Variants in OPCML observed in about 807,000 individuals in gnomAD.
OPCML encodes the protein opioid-binding protein/cell adhesion molecule.
OPCML carries 13 observed loss-of-function variants against 37.8 expected under a neutral mutation model. The observed-to-expected ratio is 0.34, with a 90% CI of 0.22 to 0.55. The LOEUF is 0.55. OPCML is among the 20% of genes least tolerant of loss of function. OPCML has a pLI of 0.91. For missense variants in OPCML, 341 were observed against 435.6 expected (o/e 0.78, Z 1.93); for synonymous variants, 176 against 168.8 (o/e 1.04, Z -0.33).
intron 2 of OPCML, among the ~76,000 whole-genome samples, chr11:132,934,532 C>T (rs1351540967): frequency 6.6e-6 from 1 of 152,156 alleles, no homozygotes; most frequent in Non-Finnish European, 1.5e-5. Flanking sequence ...CCCAGAAACT[C>T]AAAAGTAGGG....
intron 3 of OPCML, among the ~76,000 whole-genome samples, chr11:132,608,013 A>G (rs1372119690): frequency 1.3e-5 from 2 of 152,214 alleles, no homozygotes; most frequent in African/African-American, 4.8e-5. Flanking sequence ...AATAATTTGA[A>G]TGTTTCTCGC....
At chr11:132,921,068 TC>T (rs1944780661) in intron 2 of OPCML, among the ~76,000 whole-genome samples, 1 of 152,346 alleles carries the variant, frequency 6.6e-6, no homozygotes, top group Admixed American at 6.5e-5. Flanking sequence ...ATCACTTTTT[TC>T]TTTTTCCATC....
At chr11:133,415,065 G>C (rs950393243) in intron 1 of OPCML, among the ~76,000 whole-genome samples, 1 of 152,138 alleles carries the variant, frequency 6.6e-6, no homozygotes, top group Non-Finnish European at 1.5e-5. Flanking sequence ...GAGTTATTTA[G>C]AGCAGTACTT....
chr11:133,247,769 A>T (rs1419188786), intron 1 of OPCML, among the ~76,000 whole-genome samples: 1 of 151,788 alleles, frequency 6.6e-6, no homozygotes, highest in East Asian at 1.9e-4. Flanking sequence ...TGCCCAACTA[A>T]TTTTTGTATT....
chr11:132,651,178 G>T (rs1435713166), intron 3 of OPCML, among the ~76,000 whole-genome samples: 1 of 152,138 alleles, frequency 6.6e-6, no homozygotes, highest in Non-Finnish European at 1.5e-5. Flanking sequence ...ACAAGTACCT[G>T]TCTACGTATT....
rs1004863285 is a variant in OPCML, at chr11:132,943,216, G to A, written c.62-206C>T. ...AAGGGGCAGAGTTCGCCAGGAGCAG[G>A]GGGAAGGAGAAGAGAGGAGTCCGGG... is the stretch of plus-strand genomic sequence containing the variant. On this transcript the variant is annotated intron_variant, in intron 1 of 7. Transcript: ENST00000524381. The surrounding 1 kb of genome is among the most constrained non-coding windows in gnomAD (Gnocchi z 4.3). The A allele has an allele frequency of 4.7e-5, 68 of 1,455,584 alleles. No individual in the cohort carries two copies. Among genetic ancestry groups the A allele is most frequent in the Non-Finnish European group, 6.1e-5 (65 of 1,069,812 alleles). The allele number at this position is 1,455,584 out of a possible 1,614,324, so 90.2% of individuals were successfully genotyped here. A position where few individuals can be genotyped will look rare whatever the true frequency, so the allele number is the denominator to read the frequency against.
intron 1 of OPCML, among the ~76,000 whole-genome samples, chr11:133,401,533 G>T (rs1203204631): frequency 6.6e-6 from 1 of 152,010 alleles, no homozygotes; most frequent in Non-Finnish European, 1.5e-5. Context: ...GCAGAGCTGG[G>T]TCTCATACCA....
At chr11:132,777,348 A>G (rs1346701379) in intron 2 of OPCML, among the ~76,000 whole-genome samples, 1 of 152,180 alleles carries the variant, frequency 6.6e-6, no homozygotes, top group East Asian at 1.9e-4. Flanking sequence ...GCACAAAGGA[A>G]GCTTCATGAA....
chr11:132,509,177 G>C (rs2096263530), intron 4 of OPCML, among the ~76,000 whole-genome samples: 1 of 152,144 alleles, frequency 6.6e-6, no homozygotes, highest in African/African-American at 2.4e-5. Context: ...CTACAGATTT[G>C]TGGAACTTTG....
At chr11:133,502,909 T>C (rs1378357436) in intron 1 of OPCML, among the ~76,000 whole-genome samples, 1 of 152,180 alleles carries the variant, frequency 6.6e-6, no homozygotes, top group Non-Finnish European at 1.5e-5. Context: ...TTCCTGGGAC[T>C]GAGAGCTCTC....
At chr11:132,731,315 T>C (rs932395996) in intron 2 of OPCML, among the ~76,000 whole-genome samples, 16 of 152,292 alleles carry the variant, frequency 1.1e-4, no homozygotes, top group Admixed American at 1.0e-3. Flanking sequence ...CCAAACCAAA[T>C]AGACCCTCCA....
chr11:133,193,603 C>A (rs1005394542), intron 1 of OPCML, among the ~76,000 whole-genome samples: 3 of 152,142 alleles, frequency 2.0e-5, no homozygotes, highest in Non-Finnish European at 2.9e-5. Context: ...ATGATAAACA[C>A]CTGCTCCTTT....
At chr11:133,123,062 A>G (rs1949445966) in intron 1 of OPCML, among the ~76,000 whole-genome samples, 2 of 152,218 alleles carry the variant, frequency 1.3e-5, no homozygotes, top group Admixed American at 6.5e-5. Context: ...AGTGACTTGG[A>G]AAAAATATTT....
At chr11:133,322,725 T>C (rs1943361072) in intron 1 of OPCML, among the ~76,000 whole-genome samples, 1 of 152,170 alleles carries the variant, frequency 6.6e-6, no homozygotes, top group African/African-American at 2.4e-5. Flanking sequence ...TTACACATTT[T>C]CGCATCCAAT....
chr11:133,088,922 A>G (rs189804149), intron 1 of OPCML, among the ~76,000 whole-genome samples: 3 of 152,352 alleles, frequency 2.0e-5, no homozygotes, highest in African/African-American at 7.2e-5. Flanking sequence ...AAAGCAAGTG[A>G]TATCAATCAT....
At chr11:133,483,337 G>GATAA (rs1308917890) in intron 1 of OPCML, among the ~76,000 whole-genome samples, 3 of 122,004 alleles carry the variant, frequency 2.5e-5, no homozygotes, top group Non-Finnish European at 5.1e-5. Context: ...TAGATAGATA[G>GATAA]ATAATAGATA....
intron 1 of OPCML, among the ~76,000 whole-genome samples, chr11:133,410,815 T>A (rs575614863): frequency 6.6e-5 from 10 of 152,274 alleles, no homozygotes; most frequent in Admixed American, 1.3e-4. Context: ...TGTTGTACAT[T>A]CTGATTCTTC....
intron 1 of OPCML, among the ~76,000 whole-genome samples, chr11:133,447,633 G>C (rs1197145571): frequency 1.5e-4 from 23 of 152,132 alleles, no homozygotes; most frequent in Non-Finnish European, 1.5e-5. Context: ...TTAACTTTCT[G>C]TTCCTGCACT....
At chr11:132,542,333 C>G in intron 3 of OPCML, among the ~76,000 whole-genome samples, 1 of 152,302 alleles carries the variant, frequency 6.6e-6, no homozygotes, top group African/African-American at 2.4e-5. Flanking sequence ...CACTGTCCAG[C>G]AGATCTTTCT....
Sources: allele counts gnomAD v4.1 joint callset (sites outside exome capture counted in the v4.1 genomes callset), GRCh38; gene constraint gnomAD v4.1.1; non-coding constraint Gnocchi (gnomAD v3.1); transcripts MANE v1.5; gene names NCBI Gene and HGNC (gene_info 2026-07-23, HGNC 2026-07-21).